KIF15: variants seen among roughly 807,000 people sequenced by gnomAD.
KIF15 encodes kinesin family member 15.
Under a neutral mutation model 190.6 loss-of-function variants are expected in KIF15, and 140 were observed. The ratio of observed to expected loss-of-function variants is 0.73; its 90% CI spans 0.64 to 0.84. The LOEUF (loss-of-function observed/expected upper bound fraction) is 0.84. Ranked by LOEUF, KIF15 falls within the 40% of genes least tolerant of loss-of-function variation. The pLI, the probability that KIF15 is intolerant of heterozygous loss-of-function variation, is 0.00. For missense variants in KIF15, 1,372 were observed against 1,584.4 expected (o/e 0.87, Z 2.28); for synonymous variants, 528 against 551.3 (o/e 0.96, Z 0.59).
chr3:44,778,467 T>C (rs1171025276), intron 4 of KIF15, among the ~76,000 whole-genome samples: 1 of 152,188 alleles, frequency 6.6e-6, no homozygotes, highest in Non-Finnish European at 1.5e-5. Context: ...CTTACAGCCC[T>C]GTTTATCTTC....
chr3:44,854,482 T>A (rs762514452), downstream of KIF15, among the ~76,000 whole-genome samples: 2 of 151,342 alleles, frequency 1.3e-5, no homozygotes, highest in Non-Finnish European at 2.9e-5. Context: ...AAATAGTAAA[T>A]CCGTAAGGGC....
chr3:44,826,366 G>A lies in KIF15; in HGVS notation c.2701-9G>A, dbSNP rs776611001. On this transcript the variant is annotated splice_polypyrimidine_tract_variant and intron_variant, in intron 21 of 34. Coordinates refer to ENST00000326047, the MANE Select transcript of KIF15 (RefSeq NM_020242.3). ...TAACAGTTACTTAAAATCTAATGTT[G>A]TCTTTTAGAATTTGATGGAGCTTCT... 6.2e-7 allele frequency: 1 copy of A among 1,608,828 alleles called. No individual in the cohort carries two copies. Among genetic ancestry groups the A allele is most frequent in the Non-Finnish European group, 8.5e-7 (1 of 1,176,674 alleles).
chr3:44,788,973 C>T (rs1224164394), intron 7 of KIF15, among the ~76,000 whole-genome samples: 2 of 152,160 alleles, frequency 1.3e-5, no homozygotes, highest in African/African-American at 4.8e-5. Context: ...TCAATTTCCT[C>T]TTAGTTTTCA....
chr3:44,828,691 AT>A (rs1348986008), intron 24 of KIF15, among the ~76,000 whole-genome samples: 5 of 152,252 alleles, frequency 3.3e-5, no homozygotes, highest in African/African-American at 1.2e-4. Flanking sequence ...TACGTATAAA[AT>A]TCTTCTATGT....
At position 44,801,479 on chromosome 3, in the gene KIF15, T is replaced by C; in HGVS notation, c.1252T>C (p.Phe418Leu). The C allele has an allele frequency of 6.3e-7, 1 of 1,577,720 alleles. No homozygotes were observed. Among genetic ancestry groups the C allele is most frequent in the Non-Finnish European group, 8.7e-7 (1 of 1,147,612 alleles). The change falls in exon 12 of 35, where the codon TTC (phenylalanine) becomes CTC (leucine). Residue 418 changes from phenylalanine (F) to leucine (L), a missense_variant. Coordinates refer to ENST00000326047, the MANE Select transcript of KIF15 (RefSeq NM_020242.3). ...DKKKTNYMEY[F>L]QEAMLFFKKS... Reference sequence around the variant, plus strand: ...AAAGAAGACTAACTATATGGAGTATTTCCAGGAAGCAATGTTATTCTTTAA... The same window carrying C: ...AAAGAAGACTAACTATATGGAGTATCTCCAGGAAGCAATGTTATTCTTTAA...
At position 44,851,934 on chromosome 3, in the gene KIF15, A is replaced by G. The variant is rs1261985648; in HGVS notation, c.3954A>G (p.Glu1318=). The change falls in exon 33 of 35, where the codon GAA becomes GAG. Residue 1318 remains glutamate, a synonymous_variant. Coordinates refer to ENST00000326047, the MANE Select transcript of KIF15 (RefSeq NM_020242.3). ...CAAAGCTGGAAGAAATGTATGAAGA[A>G]AGAGAGAGAACATCCCAGGTGTGCT... ...LRSKLEEMYE[E]RERTSQEMEM... 7 of 1,613,534 alleles carry G rather than the reference A, an allele frequency of 4.3e-6. No homozygotes were observed. Among genetic ancestry groups the G allele is most frequent in the African/African-American group, 1.3e-5 (1 of 74,898 alleles).
In KIF15 at chr3:44,852,268, G is replaced by C. The variant is rs1338010377; in HGVS notation, c.4033G>C (p.Gly1345Arg). 1.9e-6 allele frequency: 3 copies of C among 1,613,380 alleles called. No individual in the cohort carries two copies. The South Asian group carries it at 3.3e-5, about 18-fold the overall frequency. ...CLAEENGKLV[G>R]HQNLHQKIQY... The stretch of plus-strand genomic sequence containing the variant: ...TGCTGAGGAAAATGGAAAGTTGGTA[G>C]GTCACCAAAATTTGCATCAGAAGAT... The change falls in exon 34 of 35, where the codon GGT (glycine) becomes CGT (arginine). Residue 1345 changes from glycine to arginine, a missense_variant. Gly to Arg is a moderately radical substitution (Grantham distance 125). Transcript: ENST00000326047.
intron 20 of KIF15, among the ~76,000 whole-genome samples, chr3:44,819,524 AG>A (rs1168918072): frequency 6.6e-6 from 1 of 152,018 alleles, no homozygotes; most frequent in Non-Finnish European, 1.5e-5. Flanking sequence ...TTCAGGAGCA[AG>A]TTGTTCAGTT....
intron 1 of KIF15, among the ~76,000 whole-genome samples, chr3:44,768,102 C>A (rs1416343562): frequency 6.6e-6 from 1 of 151,336 alleles, no homozygotes; most frequent in South Asian, 2.1e-4. Context: ...GGTGAAACAC[C>A]GTCTCTACTA....
rs1325545677 is a variant in KIF15, at chr3:44,841,213, A to G, written c.3560A>G (p.Lys1187Arg). The change falls in exon 29 of 35, where the codon AAA becomes AGA. Residue 1187 changes from lysine (K) to arginine (R), a missense_variant. Lys to Arg is a conservative substitution (Grantham distance 26). Coordinates refer to ENST00000326047, the MANE Select transcript of KIF15 (RefSeq NM_020242.3). The part of the protein sequence containing the change: ...VTKLNEDREV[K>R]NAEILRMKEQ... ...AAGCTAAATGAAGACAGAGAAGTCAAAAATGCTGAAATCCTCAGAATGAAG... is the reference window on the plus strand; with the variant it reads ...AAGCTAAATGAAGACAGAGAAGTCAGAAATGCTGAAATCCTCAGAATGAAG... The G allele has an allele frequency of 1.9e-6, 3 of 1,603,418 alleles. No homozygotes were observed. Among genetic ancestry groups the G allele is most frequent in the Non-Finnish European group, 2.5e-6 (3 of 1,177,650 alleles).
chr3:44,793,329 TTG>T (rs1706810582), intron 7 of KIF15, among the ~76,000 whole-genome samples: 1 of 152,188 alleles, frequency 6.6e-6, no homozygotes, highest in African/African-American at 2.4e-5. Context: ...AAAAAATACT[TTG>T]TAGACCAAAA....
intron 20 of KIF15, among the ~76,000 whole-genome samples, chr3:44,819,791 G>T (rs560003730): frequency 1.3e-5 from 2 of 152,256 alleles, no homozygotes; most frequent in East Asian, 3.9e-4. Context: ...TTCAAGTCCT[G>T]GATACCCTTG....
At chr3:44,854,460 T>C (rs1383982442), downstream of KIF15, among the ~76,000 whole-genome samples, 2 of 151,656 alleles carry the variant, frequency 1.3e-5, no homozygotes, top group African/African-American at 4.8e-5. Flanking sequence ...AGTTGAACTC[T>C]CAAGGAATAA....
rs562033940 is a variant in KIF15 at position 44,779,759 on chromosome 3, G to A, written c.324-1126G>A. Reference sequence around the variant, plus strand: ...TGAGGAAGGAGAATCATTTGAACCCGGAGGGTGGAGGTTGCAGTGAGCCGA... The same window carrying A: ...TGAGGAAGGAGAATCATTTGAACCCAGAGGGTGGAGGTTGCAGTGAGCCGA... On this transcript the variant is annotated intron_variant, in intron 4 of 34. Coordinates refer to ENST00000326047, the MANE Select transcript of KIF15 (RefSeq NM_020242.3). Among the ~76,000 whole-genome samples, 533 of 150,792 alleles carry A rather than the reference G, an allele frequency of 3.5e-3. 3 individuals are homozygous for A. The highest frequency in any genetic ancestry group is 0.01 in the Middle Eastern group (3 of 294).
chr3:44,810,047 A>G (rs1707719975), intron 16 of KIF15, among the ~76,000 whole-genome samples: 1 of 152,200 alleles, frequency 6.6e-6, no homozygotes, highest in African/African-American at 2.4e-5. Context: ...AGCCTGGGCA[A>G]CAGAACAAGA....
chr3:44,863,304 C>CCCCG (rs1699281743), intron 6 of KIF15: 1 of 101,364 alleles, frequency 9.9e-6, no homozygotes, highest in Non-Finnish European at 2.3e-5. Flanking sequence ...TTCCGCACCC[C>CCCCG]CCCCCCCCGC....
chr3:44,858,965 T>C (rs769437918), intron 6 of KIF15, among the ~76,000 whole-genome samples: 2 of 152,162 alleles, frequency 1.3e-5, no homozygotes, highest in Non-Finnish European at 2.9e-5. Flanking sequence ...TGAGAAGATA[T>C]GGGAAGGAGT....
intron 11 of KIF15, among the ~76,000 whole-genome samples, chr3:44,800,996 G>A (rs985414567): frequency 6.6e-6 from 1 of 151,374 alleles, no homozygotes; most frequent in Non-Finnish European, 1.5e-5. Context: ...GTGATCTAGT[G>A]ATGACGGTCT....
chr3:44,852,293 T>C lies in KIF15; in HGVS notation c.4058T>C (p.Ile1353Thr), dbSNP rs144951947. 6.2e-7 allele frequency: 1 copy of C among 1,613,608 alleles called. No homozygotes were observed. Among genetic ancestry groups the C allele is most frequent in the African/African-American group, 1.3e-5 (1 of 75,020 alleles). The change falls in exon 34 of 35, where the codon ATT (isoleucine) becomes ACT (threonine). Residue 1353 changes from isoleucine to threonine, a missense_variant. Transcript: ENST00000326047. Reference protein sequence around the residue: ...LVGHQNLHQKIQYVVRLKKEN... With the variant: ...LVGHQNLHQKTQYVVRLKKEN... ...GGTCACCAAAATTTGCATCAGAAGA[T>C]TCAGTACGTAGTGCGACTAAAGAAG...
Sources: allele counts gnomAD v4.1 joint callset (sites outside exome capture counted in the v4.1 genomes callset), GRCh38; gene constraint gnomAD v4.1.1; transcripts MANE v1.5; gene names NCBI Gene and HGNC (gene_info 2026-07-23, HGNC 2026-07-21).